Variants in EPRS1 observed in about 807,000 individuals in gnomAD.
EPRS1 encodes the protein bifunctional glutamate/proline--tRNA ligase.
Under a neutral mutation model 188.3 loss-of-function variants are expected in EPRS1, and 107 were observed. That is an observed-to-expected ratio of 0.57 (90% CI 0.49 to 0.67). EPRS1 has a LOEUF of 0.67. Among genes scored for constraint, EPRS1 ranks in the 30% least tolerant of loss-of-function variants. EPRS1 has a pLI of 0.00. For synonymous variants in EPRS1, 596 were observed against 593.1 expected, an observed-to-expected ratio of 1.00 and a Z score of -0.07; for missense variants, 1,577 against 1,802.2, an observed-to-expected ratio of 0.88 and a Z score of 2.26.
chr1:220,009,744 G>C (rs1286975900), intron 13 of EPRS1, among the ~76,000 whole-genome samples: 5 of 152,006 alleles, frequency 3.3e-5, no homozygotes, highest in African/African-American at 7.2e-5. Flanking sequence ...GCAGTCATAA[G>C]GATCTGGGAT....
At chr1:219,979,344 C>A (rs965610246) in intron 27 of EPRS1, 74 bp downstream of exon 27, 3 of 1,131,896 alleles carry the variant, frequency 2.7e-6, no homozygotes, top group Non-Finnish European at 2.6e-6. Context: ...CAGAAAATCA[C>A]CCTTTCAAAT....
intron 2 of EPRS1, among the ~76,000 whole-genome samples, chr1:220,039,175 C>T (rs939209056): frequency 6.6e-6 from 1 of 152,132 alleles, no homozygotes; most frequent in Non-Finnish European, 1.5e-5. Context: ...AAGCAACATT[C>T]CCCTGTCTGA....
intron 18 of EPRS1, among the ~76,000 whole-genome samples, chr1:219,992,458 A>G (rs1440375154): frequency 6.6e-6 from 1 of 152,220 alleles, no homozygotes; most frequent in East Asian, 1.9e-4. Flanking sequence ...GTTAACTACA[A>G]TGGTTCTCAA....
intron 20 of EPRS1, among the ~76,000 whole-genome samples, chr1:219,985,130 G>C (rs1379666490): frequency 1.3e-5 from 2 of 151,674 alleles, no homozygotes; most frequent in African/African-American, 4.8e-5. Context: ...CAAAATCTAG[G>C]AAAGCCAAAT....
In EPRS1 at chr1:220,005,228, G is replaced by A. The variant is rs745449711; in HGVS notation, c.2063+20C>T. 4.6e-5 allele frequency: 51 copies of A among 1,103,982 alleles called. No individual in the cohort carries two copies. The Middle Eastern group carries it at 8.6e-4, about 19-fold the overall frequency. 68.4% of individuals were successfully genotyped at this position (1,103,982 alleles called of 1,614,324 possible). A position where few individuals can be genotyped will look rare whatever the true frequency, so the allele number is the denominator to read the frequency against. ...CAACTTTAAGCATTTTCATTTAGAC[G>A]TTCAGTTACATTTACTTACCTAACA... On this transcript the variant is annotated intron_variant, in intron 16 of 31. Coordinates refer to ENST00000366923, the MANE Select transcript of EPRS1 (RefSeq NM_004446.3).
At chr1:220,038,427 G>A (rs1662229822) in intron 2 of EPRS1, among the ~76,000 whole-genome samples, 1 of 108,158 alleles carries the variant, frequency 9.2e-6, no homozygotes, top group African/African-American at 3.8e-5. Flanking sequence ...GTCTCCCTCT[G>A]TCATCCATGC....
chr1:220,026,809 G>C (rs1416138741), intron 6 of EPRS1, among the ~76,000 whole-genome samples: 1 of 151,782 alleles, frequency 6.6e-6, no homozygotes, highest in Admixed American at 6.6e-5. Context: ...TTTTAAGATA[G>C]TTACCTGGTT....
At chr1:220,027,770 G>A (rs967167497) in intron 6 of EPRS1, among the ~76,000 whole-genome samples, 1 of 151,970 alleles carries the variant, frequency 6.6e-6, no homozygotes, top group African/African-American at 2.4e-5. Context: ...ATCACCTGAG[G>A]TCGCGAGTTC....
Position 219,981,423 on chromosome 1 carries a change from T to A in EPRS1, c.3408A>T (p.Ser1136=). 6.2e-7 allele frequency: 1 copy of A among 1,608,894 alleles called. No individual in the cohort carries two copies. The highest frequency in any genetic ancestry group is 8.5e-7 in the Non-Finnish European group (1 of 1,176,930). ...TGAGCTTGATGGGCAGGTCTCTGTGTGACTGTACCCATTTTGCATATGCAG... is the reference window on the plus strand; with the variant it reads ...TGAGCTTGATGGGCAGGTCTCTGTGAGACTGTACCCATTTTGCATATGCAG... ...MYPAYAKWVQ[S]HRDLPIKLNQ... The change falls in exon 24 of 32, where the codon TCA becomes TCT. Residue 1136 remains serine, a synonymous_variant. Coordinates refer to ENST00000366923, the MANE Select transcript of EPRS1 (RefSeq NM_004446.3).
intron 2 of EPRS1, 87 bp downstream of exon 2, chr1:220,040,098 C>T (rs1571700929): frequency 2.4e-6 from 2 of 844,212 alleles, no homozygotes; most frequent in Non-Finnish European, 3.8e-6. Context: ...CCAGCCTGGG[C>T]AAAAGAGGGA....
chr1:220,045,493 G>C (rs533722729), intron 1 of EPRS1, among the ~76,000 whole-genome samples: 9 of 151,616 alleles, frequency 5.9e-5, no homozygotes, highest in Non-Finnish European at 1.0e-4. Flanking sequence ...GATAGAGCAA[G>C]ACCCTGACTC....
intron 1 of EPRS1, 95 bp from the exon 2 acceptor site, chr1:220,040,364 AT>A (rs1318894952): frequency 2.6e-5 from 21 of 804,470 alleles, no homozygotes; most frequent in Non-Finnish European, 4.4e-5. Context: ...ACAAACCAAT[AT>A]TAAGTCCTAC....
At chr1:219,970,498 G>A (rs1571825488) in intron 30 of EPRS1, among the ~76,000 whole-genome samples, 3 of 152,168 alleles carry the variant, frequency 2.0e-5, no homozygotes, top group African/African-American at 7.2e-5. Context: ...GAAGTTTAAG[G>A]CCAGGTGCAG....
chr1:219,982,163 C>G (rs891049291), intron 23 of EPRS1, among the ~76,000 whole-genome samples: 2 of 152,172 alleles, frequency 1.3e-5, no homozygotes. Flanking sequence ...ATCCTGAACT[C>G]TACAGATGAA....
At chr1:219,972,632 G>A (rs1660691080) in intron 29 of EPRS1, among the ~76,000 whole-genome samples, 1 of 152,152 alleles carries the variant, frequency 6.6e-6, no homozygotes, top group African/African-American at 2.4e-5. Context: ...CTCCAGGTAG[G>A]CAGAGAAAGA....
rs2102585851 is a variant in EPRS1, at chr1:220,014,956, T to A, written c.1494+3493A>T. ...CATGAAACAAGAATAGAGAGTTATT[T>A]TGAAAATTCAGAGAACAAGAGAAAC... On this transcript the variant is annotated intron_variant, in intron 12 of 31. Transcript: ENST00000366923. Among the ~76,000 whole-genome samples the A allele has an allele frequency of 1.3e-5, 2 of 152,336 alleles. 1 individual carries two copies. Among genetic ancestry groups the A allele is most frequent in the East Asian group, 3.9e-4 (2 of 5,192 alleles).
At position 219,987,387 on chromosome 1, in the gene EPRS1, A is replaced by C. The variant is rs371474146; in HGVS notation, c.2793T>G (p.Ala931=). Residue 931 remains alanine, a synonymous_variant, in exon 20 of 32, where the codon GCT becomes GCG. Coordinates refer to ENST00000366923, the MANE Select transcript of EPRS1 (RefSeq NM_004446.3). ...EKAPKDQVDI[A]VQELLQLKAQ... is the part of the protein sequence containing the mutation. ...CCTTTAGCTGAAGGAGTTCTTGAAC[A>C]GCTATATCTACTTGATCCTTTAGTT... 104 of 1,603,792 alleles carry C rather than the reference A, an allele frequency of 6.5e-5. No homozygotes were observed. Among genetic ancestry groups the C allele is most frequent in the Non-Finnish European group, 8.2e-5 (97 of 1,176,730 alleles).
At position 220,024,294 on chromosome 1, in the gene EPRS1, G is replaced by T; in HGVS notation, c.913C>A (p.Gln305Lys). The stretch of plus-strand genomic sequence containing the variant: ...TTTCTATGTTTAGAGTCTATCCTCT[G>T]CTCACGTTCTGCTTTCATCTGTTCA... ...PAEQMKAERE[Q>K]RIDSKHRKNP... The change falls in exon 8 of 32, where the codon CAG (glutamine) becomes AAG (lysine). Residue 305 changes from glutamine to lysine, a missense_variant. Around this residue, in one of 3 missense-constraint regions of EPRS1, gnomAD observed 1,278 missense variants for 1,457.4 expected, o/e 0.88. Coordinates refer to ENST00000366923, the MANE Select transcript of EPRS1 (RefSeq NM_004446.3). 6.2e-7 allele frequency: 1 copy of T among 1,603,946 alleles called. No homozygotes were observed. Among genetic ancestry groups the T allele is most frequent in the Non-Finnish European group, 8.5e-7 (1 of 1,177,148 alleles).
intron 1 of EPRS1, among the ~76,000 whole-genome samples, chr1:220,042,418 G>A (rs1662314083): frequency 6.7e-6 from 1 of 150,306 alleles, no homozygotes; most frequent in Non-Finnish European, 1.5e-5. Flanking sequence ...GGGAGGTGGA[G>A]GTTTGCAGTG....
Sources: gnomAD v4.1 joint callset for allele counts (sites outside exome capture counted in the v4.1 genomes callset) on GRCh38, gnomAD v4.1.1 for gene constraint, gnomAD v4.1.1 regional missense constraint, MANE v1.5 for transcripts, NCBI Gene and HGNC (gene_info 2026-07-23, HGNC 2026-07-21) for gene names.